The following DDC variants were observed in gnomAD, a reference collection of about 807,000 sequenced individuals.
DDC encodes the protein aromatic-L-amino-acid decarboxylase.
In DDC, 43 loss-of-function variants were observed where a neutral mutation model predicts 60.0. The observed-to-expected ratio is 0.72, with a 90% confidence interval of 0.56 to 0.92. DDC has a LOEUF of 0.92. DDC is among the 40% of genes least tolerant of loss of function. DDC has a pLI of 0.00. For missense variants in DDC, 573 were observed against 620.2 expected (o/e 0.92, Z 0.81); for synonymous variants, 232 against 234.6 (o/e 0.99, Z 0.10).
chr7:50,460,299 G>A (rs372238587), intron 14 of DDC, among the ~76,000 whole-genome samples: 27 of 145,716 alleles, frequency 1.9e-4, no homozygotes, highest in African/African-American at 6.3e-4. Context: ...CTGCCCGGCC[G>A]CCCCTACTGG....
At chr7:50,531,952 C>G (rs1031706950) in intron 4 of DDC, 3 of 152,210 alleles carry the variant, frequency 2.0e-5, no homozygotes, top group African/African-American at 7.2e-5. Context: ...GTCCTTTCAT[C>G]TTCAGTTTTT....
At chr7:50,534,422 C>T (rs560874890) in intron 4 of DDC, among the ~76,000 whole-genome samples, 2 of 152,246 alleles carry the variant, frequency 1.3e-5, no homozygotes, top group East Asian at 3.9e-4. Flanking sequence ...AATGGCAAAA[C>T]CCTGTCTCTA....
At chr7:50,473,607 T>C (rs2042580173) in intron 11 of DDC, among the ~76,000 whole-genome samples, 1 of 152,068 alleles carries the variant, frequency 6.6e-6, no homozygotes, top group African/African-American at 2.4e-5. Context: ...CCAAGCCTGG[T>C]GGATGGATGC....
chr7:50,562,752 T>C (rs1243835806), intron 1 of DDC, among the ~76,000 whole-genome samples: 1 of 152,236 alleles, frequency 6.6e-6, no homozygotes, highest in Non-Finnish European at 1.5e-5. Flanking sequence ...CGGCTTGGGC[T>C]ACACACCAGG....
chr7:50,473,340 G>A (rs913280511), intron 11 of DDC, among the ~76,000 whole-genome samples: 2 of 152,228 alleles, frequency 1.3e-5, no homozygotes, highest in African/African-American at 4.8e-5. Context: ...TGCTTTCCCG[G>A]TGGCTGCCCG....
At chr7:50,497,610 C>G (rs974638122) in intron 8 of DDC, among the ~76,000 whole-genome samples, 1 of 152,100 alleles carries the variant, frequency 6.6e-6, no homozygotes, top group African/African-American at 2.4e-5. Context: ...CTTCGTTTCC[C>G]AGCACCAAAC....
intron 9 of DDC, among the ~76,000 whole-genome samples, chr7:50,493,610 A>G (rs1255265930): frequency 6.6e-6 from 1 of 152,238 alleles, no homozygotes; most frequent in Non-Finnish European, 1.5e-5. Context: ...TGGGTGAAAC[A>G]GAAAAACACA....
At chr7:50,492,232 C>A (rs1432291522) in intron 9 of DDC, among the ~76,000 whole-genome samples, 3 of 152,206 alleles carry the variant, frequency 2.0e-5, no homozygotes, top group Non-Finnish European at 2.9e-5. Flanking sequence ...TAAGCCAGCC[C>A]TAGCCAACTA....
chr7:50,513,598 G>A (rs1190404567), intron 6 of DDC, among the ~76,000 whole-genome samples: 4 of 152,216 alleles, frequency 2.6e-5, no homozygotes, highest in East Asian at 1.9e-4. Context: ...AGCCCCTCTC[G>A]CCCATGCCCA....
chr7:50,534,711 C>A (rs530184138), intron 4 of DDC, among the ~76,000 whole-genome samples: 4 of 152,350 alleles, frequency 2.6e-5, no homozygotes, highest in African/African-American at 9.6e-5. Flanking sequence ...CCACCAACAT[C>A]GAGGCCTCTT....
At chr7:50,498,349 T>C (rs1222631240) in intron 8 of DDC, among the ~76,000 whole-genome samples, 1 of 152,228 alleles carries the variant, frequency 6.6e-6, no homozygotes, top group Admixed American at 6.5e-5. Context: ...ATTTCTTTCT[T>C]GGCCAGTGCC....
At chr7:50,517,502 CT>C in intron 6 of DDC, among the ~76,000 whole-genome samples, 1 of 152,262 alleles carries the variant, frequency 6.6e-6, no homozygotes, top group Admixed American at 6.5e-5. Flanking sequence ...AGCATTCCCT[CT>C]GAGAACTGGA....
At chr7:50,472,676 A>T (rs529077341) in intron 11 of DDC, among the ~76,000 whole-genome samples, 2 of 152,254 alleles carry the variant, frequency 1.3e-5, no homozygotes, top group South Asian at 4.2e-4. Context: ...CTGGAGGCAA[A>T]TGGTGCTGTC....
chr7:50,469,350 T>C (rs2042478189), intron 12 of DDC, among the ~76,000 whole-genome samples: 1 of 151,788 alleles, frequency 6.6e-6, no homozygotes, highest in Non-Finnish European at 1.5e-5. Flanking sequence ...CTGGTTTGCT[T>C]GTTAAAACAG....
At chr7:50,484,391 C>A (rs1302688749) in intron 9 of DDC, among the ~76,000 whole-genome samples, 1 of 152,120 alleles carries the variant, frequency 6.6e-6, no homozygotes, top group African/African-American at 2.4e-5. Flanking sequence ...TGGCTTTCCT[C>A]TTTTCAATTG....
At chr7:50,464,952 A>G (rs1438781336) in intron 13 of DDC, among the ~76,000 whole-genome samples, 2 of 152,240 alleles carry the variant, frequency 1.3e-5, no homozygotes, top group African/African-American at 4.8e-5. Flanking sequence ...CAGAAACTGG[A>G]TTTGCAGACT....
intron 11 of DDC, among the ~76,000 whole-genome samples, chr7:50,473,360 C>G (rs551380060): frequency 6.6e-6 from 1 of 152,334 alleles, no homozygotes; most frequent in Non-Finnish European, 1.5e-5. Context: ...GGGGCTGTCC[C>G]CACATGGCCA....
chr7:50,460,069 C>T (rs1245613291), intron 14 of DDC, among the ~76,000 whole-genome samples: 9 of 144,926 alleles, frequency 6.2e-5, no homozygotes, highest in African/African-American at 1.9e-4. Flanking sequence ...GGGGGGTCAG[C>T]CCCCCGCCCG....
chr7:50,548,219 A>G (rs1460624697), intron 1 of DDC, among the ~76,000 whole-genome samples: 1 of 152,228 alleles, frequency 6.6e-6, no homozygotes, highest in African/African-American at 2.4e-5. Flanking sequence ...TAGGTCAGTT[A>G]GTAACACTGC....
Sources: gnomAD v4.1 joint callset for allele counts (sites outside exome capture counted in the v4.1 genomes callset) on GRCh38, gnomAD v4.1.1 for gene constraint, MANE v1.5 for transcripts, NCBI Gene and HGNC (gene_info 2026-07-23, HGNC 2026-07-21) for gene names.